The following HMGN1 variants were observed in gnomAD, a reference collection of about 807,000 sequenced individuals.
The protein encoded by HMGN1 is non-histone chromosomal protein HMG-14.
HMGN1 carries 9 observed loss-of-function variants against 18.4 expected under a neutral mutation model. That is an observed-to-expected ratio of 0.49 (90% CI 0.29 to 0.85). The LOEUF (loss-of-function observed/expected upper bound fraction) is 0.85. HMGN1 is among the 40% of genes least tolerant of loss of function. The probability of loss-of-function intolerance (pLI) is 0.07; values close to 1 mark genes in which losing one functional copy is unlikely to be tolerated. For synonymous variants in HMGN1, 59 were observed against 45.0 expected, an observed-to-expected ratio of 1.31 and a Z score of -1.24; for missense variants, 151 against 119.2, an observed-to-expected ratio of 1.27 and a Z score of -1.24.
intron 1 of HMGN1, 32 bp from the exon 2 acceptor site, chr21:39,348,609 G>T: frequency 6.4e-7 from 1 of 1,562,948 alleles, no homozygotes. Context: ...AATAGAGGCG[G>T]GCCGCAGTCC....
rs2036900899 is a variant in HMGN1 at position 39,342,650 on chromosome 21, A to G, written c.*462T>C. 3.0e-6 allele frequency: 1 copy of G among 330,882 alleles called. No homozygotes were observed. The highest frequency in any genetic ancestry group is 2.3e-5 in the African/African-American group (1 of 44,408). The allele number at this position is 330,882 out of a possible 1,614,324, so 20.5% of individuals were successfully genotyped here. ...ACCACAAAGATGTTACAGAGTGCAC[A>G]CAATTCTGGCAGAGAGAGCCATGAT... On this transcript the variant is annotated 3_prime_UTR_variant, in exon 6 of 6. Coordinates refer to ENST00000380749, the MANE Select transcript of HMGN1 (RefSeq NM_004965.7).
chr21:39,349,013 G>C lies in HMGN1; in HGVS notation c.-96C>G. On this transcript the variant is annotated 5_prime_UTR_variant, in exon 1 of 6. Coordinates refer to ENST00000380749, the MANE Select transcript of HMGN1 (RefSeq NM_004965.7). The stretch of plus-strand genomic sequence containing the variant: ...CGCGCCGACAGCCTTCGCGAAACTG[G>C]GCTGCCTTGCCGCTGCCACTCCTCC... 8.4e-7 allele frequency: 1 copy of C among 1,189,704 alleles called. No individual in the cohort carries two copies. Among genetic ancestry groups the C allele is most frequent in the Non-Finnish European group, 1.0e-6 (1 of 958,872 alleles). The allele number at this position is 1,189,704 out of a possible 1,614,324, so 73.7% of individuals were successfully genotyped here.
At chr21:39,346,511 A>G (rs899181784) in intron 4 of HMGN1, 4 of 152,952 alleles carry the variant, frequency 2.6e-5, no homozygotes, top group African/African-American at 4.8e-5. Context: ...AGAATACATA[A>G]TATCTTGGAC....
Position 39,342,895 on chromosome 21 carries a change from C to G in HMGN1, c.*217G>C. 7.2e-7 allele frequency: 1 copy of G among 1,382,154 alleles called. No homozygotes were observed. Among genetic ancestry groups the G allele is most frequent in the Non-Finnish European group, 9.8e-7 (1 of 1,020,004 alleles). The allele number at this position is 1,382,154 out of a possible 1,614,324, so 85.6% of individuals were successfully genotyped here. A position where few individuals can be genotyped will look rare whatever the true frequency, so the allele number is the denominator to read the frequency against. ...ATAATTCAATATCCCACACTATTTT[C>G]TGGTTGTACCAAAAAATAAACAACC... On this transcript the variant is annotated 3_prime_UTR_variant, in exon 6 of 6. Transcript: ENST00000380749.
At chr21:39,345,363 A>C (rs1382871189) in intron 4 of HMGN1, 89 bp from the exon 5 acceptor site, 5 of 1,329,452 alleles carry the variant, frequency 3.8e-6, no homozygotes, top group East Asian at 4.6e-5. Flanking sequence ...TCAGACAAGT[A>C]ATGTGCCCAG....
At chr21:39,343,288 A>T in intron 5 of HMGN1, 129 bp from the exon 6 acceptor site, 1 of 912,356 alleles carries the variant, frequency 1.1e-6, no homozygotes, top group Non-Finnish European at 1.7e-6. Flanking sequence ...ACTCTTGTTA[A>T]AAAACTTTTG....
chr21:39,348,651 C>G (rs1601562668), intron 1 of HMGN1, 74 bp from the exon 2 acceptor site: 2 of 1,480,672 alleles, frequency 1.4e-6, no homozygotes, highest in East Asian at 5.0e-5. Flanking sequence ...GCCCCGAGAA[C>G]AATGCCCGGC....
chr21:39,348,259 C>T, intron 4 of HMGN1, 33 bp downstream of exon 4: 2 of 1,612,414 alleles, frequency 1.2e-6, no homozygotes, highest in Non-Finnish European at 1.7e-6. Context: ...GCCTAAGGCC[C>T]CGCTGCATCC....
intron 4 of HMGN1, chr21:39,346,517 T>C (rs1404777331): frequency 6.6e-6 from 1 of 152,494 alleles, no homozygotes; most frequent in East Asian, 1.9e-4. Flanking sequence ...CATAATATCT[T>C]GGACTTGAAA....
At chr21:39,348,882 C>A in intron 1 of HMGN1, 21 bp downstream of exon 1, 1 of 1,133,602 alleles carries the variant, frequency 8.8e-7, no homozygotes, top group Non-Finnish European at 1.1e-6. Context: ...GGGGCGTGTG[C>A]GGGCCGCGGC....
chr21:39,343,553 C>T (rs1215765848), intron 5 of HMGN1, among the ~76,000 whole-genome samples: 1 of 152,308 alleles, frequency 6.6e-6, no homozygotes, highest in Non-Finnish European at 1.5e-5. Flanking sequence ...TGTTCAAGTG[C>T]TATCTAATGT....
chr21:39,347,414 ACAACT>A, intron 4 of HMGN1: 1 of 1,262,508 alleles, frequency 7.9e-7, no homozygotes, highest in Non-Finnish European at 1.0e-6. Flanking sequence ...TAATTATCCA[ACAACT>A]CCTCAATGTC....
intron 5 of HMGN1, 139 bp from the exon 6 acceptor site, chr21:39,343,298 G>C: frequency 1.3e-6 from 1 of 751,486 alleles, no homozygotes; most frequent in Non-Finnish European, 2.2e-6. Flanking sequence ...AAAAACTTTT[G>C]TTAACCACCC....
intron 4 of HMGN1, chr21:39,347,698 G>T: frequency 3.4e-6 from 1 of 291,774 alleles, no homozygotes; most frequent in South Asian, 2.8e-5. Context: ...TACACCCAAA[G>T]CCAACTTCAT....
chr21:39,348,330 C>T lies in HMGN1; in HGVS notation c.88G>A (p.Ala30Thr). Residue 30 changes from alanine (A) to threonine (T), a missense_variant, in exon 4 of 6, where the codon GCA (alanine) becomes ACA (threonine). Ala to Thr is a moderately conservative substitution (Grantham distance 58). Transcript: ENST00000380749. ...TTTTTCGGCTTCGCTTCCACTTTTG[C>T]AGGAGGTTTCTGAAAGGCAAAAGCA... ...RSARLSAKPP[A>T]KVEAKPKKAA... 1 of 1,614,168 alleles carries T rather than the reference C, an allele frequency of 6.2e-7. No individual in the cohort carries two copies. Among genetic ancestry groups the T allele is most frequent in the Non-Finnish European group, 8.5e-7 (1 of 1,180,020 alleles).
chr21:39,347,415 C>T, intron 4 of HMGN1: 1 of 1,262,116 alleles, frequency 7.9e-7, no homozygotes, highest in South Asian at 1.3e-5. Context: ...AATTATCCAA[C>T]AACTCCTCAA....
Position 39,347,619 on chromosome 21 carries a change from C to G in HMGN1, c.126+673G>C, listed in dbSNP as rs144156012. On this transcript the variant is annotated intron_variant, in intron 4 of 5. Coordinates refer to ENST00000380749, the MANE Select transcript of HMGN1 (RefSeq NM_004965.7). ...AGCTTTACAGGTTTCAATGCTATAT[C>G]CAAACACAAAGCTTATACTTGTTTT... is the stretch of plus-strand genomic sequence containing the variant. 7 of 389,574 alleles carry G rather than the reference C, an allele frequency of 1.8e-5. No individual in the cohort carries two copies. In the East Asian group the frequency reaches 5.3e-4, roughly 30 times the overall value. The allele number at this position is 389,574 out of a possible 1,614,324, so 24.1% of individuals were successfully genotyped here.
In HMGN1 at chr21:39,342,330, GA is replaced by G. The variant is rs965961941; in HGVS notation, c.*781del. On this transcript the variant is annotated 3_prime_UTR_variant, in exon 6 of 6. Coordinates refer to ENST00000380749, the MANE Select transcript of HMGN1 (RefSeq NM_004965.7). ...TGCTTCAAAATATTTTCATAACTGA[GA>G]TTTTATTGGTTGAGGATCAGTACAG... is the stretch of plus-strand genomic sequence containing the variant. 1 of 152,874 alleles carries G rather than the reference GA, an allele frequency of 6.5e-6. No individual in the cohort carries two copies. The highest frequency in any genetic ancestry group is 6.5e-5 in the Admixed American group (1 of 15,322). The allele number at this position is 152,874 out of a possible 1,614,324, so 9.5% of individuals were successfully genotyped here.
At chr21:39,347,680 AAC>A (rs1379691724) in intron 4 of HMGN1, 8 of 316,304 alleles carry the variant, frequency 2.5e-5, no homozygotes, top group Admixed American at 4.4e-5. Context: ...CAAGTTATCA[AAC>A]ACACGTACAC....
Sources: allele counts gnomAD v4.1 joint callset (sites outside exome capture counted in the v4.1 genomes callset), GRCh38; gene constraint gnomAD v4.1.1; transcripts MANE v1.5; gene names NCBI Gene and HGNC (gene_info 2026-07-23, HGNC 2026-07-21).